The following PPL variants were observed in gnomAD, a reference collection of about 807,000 sequenced individuals.
The protein encoded by PPL is 190 kDa paraneoplastic pemphigus antigen.
PPL carries 198 observed loss-of-function variants against 194.4 expected under a neutral mutation model. That is an observed-to-expected ratio of 1.02 (90% CI 0.91 to 1.15). The LOEUF (loss-of-function observed/expected upper bound fraction) is 1.15. Among genes scored for constraint, PPL ranks in the 50% most tolerant of loss-of-function variants. The pLI is 0.00. For synonymous variants in PPL, 1,220 were observed against 972.4 expected, an observed-to-expected ratio of 1.25 and a Z score of -4.74; for missense variants, 2,885 against 2,294.8, an observed-to-expected ratio of 1.26 and a Z score of -5.25.
intron 2 of PPL, among the ~76,000 whole-genome samples, chr16:4,907,342 ACACACACACACACG>A (rs930019274): frequency 4.3e-5 from 5 of 115,304 alleles, no homozygotes; most frequent in Non-Finnish European, 8.3e-5. Context: ...ACACACACAC[ACACACACACACACG>A]GACAGATACA....
At chr16:4,918,231 T>G (rs545541000) in intron 1 of PPL, among the ~76,000 whole-genome samples, 4 of 149,738 alleles carry the variant, frequency 2.7e-5, no homozygotes, top group East Asian at 2.0e-4. Context: ...AGGTGGAGGT[T>G]GCAGTGAGCC....
intron 1 of PPL, among the ~76,000 whole-genome samples, chr16:4,926,599 G>A (rs1486788513): frequency 1.3e-5 from 2 of 152,176 alleles, no homozygotes; most frequent in Non-Finnish European, 1.5e-5. Flanking sequence ...GATTTGGCTT[G>A]GCGCGGTGAC....
chr16:4,913,782 G>A (rs917964960), intron 1 of PPL, among the ~76,000 whole-genome samples: 1 of 152,208 alleles, frequency 6.6e-6, no homozygotes, highest in African/African-American at 2.4e-5. Flanking sequence ...AGCGATGATA[G>A]CTCCCCTGTC....
chr16:4,915,708 C>CTCCACCATCG (rs1411840703), intron 1 of PPL, among the ~76,000 whole-genome samples: 1 of 152,202 alleles, frequency 6.6e-6, no homozygotes, highest in Non-Finnish European at 1.5e-5. Flanking sequence ...GTAATATGAG[C>CTCCACCATCG]TAATACTTAC....
At chr16:4,926,747 C>A (rs1225707232) in intron 1 of PPL, among the ~76,000 whole-genome samples, 1 of 151,956 alleles carries the variant, frequency 6.6e-6, no homozygotes, top group African/African-American at 2.4e-5. Flanking sequence ...GGCGTGGTGG[C>A]AGGCGTCTGT....
At chr16:4,917,072 C>A (rs1382474897) in intron 1 of PPL, among the ~76,000 whole-genome samples, 1 of 151,918 alleles carries the variant, frequency 6.6e-6, no homozygotes, top group Non-Finnish European at 1.5e-5. Context: ...GCGGAGGTTG[C>A]AATGAGCTGA....
chr16:4,919,959 G>C lies in PPL; in HGVS notation c.63-9010C>G, dbSNP rs558455474. 7.2e-4 allele frequency among the ~76,000 whole-genome samples: 110 copies of C among 152,028 alleles called. 1 individual carries two copies. Among genetic ancestry groups the C allele is most frequent in the Non-Finnish European group, 1.2e-3 (81 of 67,982 alleles). On this transcript the variant is annotated intron_variant, in intron 1 of 21. Coordinates refer to ENST00000345988, the MANE Select transcript of PPL (RefSeq NM_002705.5). ...AATTAAAACCAAAAAAAGTGTATTT[G>C]TGGGGTGGGGGTAATCAGGGTCACT... is the stretch of plus-strand genomic sequence containing the variant.
intron 12 of PPL, 70 bp downstream of exon 12, chr16:4,894,397 C>A: frequency 6.4e-7 from 1 of 1,569,308 alleles, no homozygotes; most frequent in Admixed American, 1.8e-5. Flanking sequence ...ATCCCCGGGG[C>A]TATGAATGGG....
intron 9 of PPL, among the ~76,000 whole-genome samples, chr16:4,897,008 G>A (rs899403238): frequency 6.6e-6 from 1 of 151,982 alleles, no homozygotes; most frequent in African/African-American, 2.4e-5. Context: ...ATAACATTGC[G>A]AATGCAATGA....
At position 4,884,400 on chromosome 16, in the gene PPL, C is replaced by T. The variant is rs746503775; in HGVS notation, c.4255G>A (p.Glu1419Lys). ...ERQARREAER[E>K]VQRLQQRLAA... Reference sequence around the variant, plus strand: ...AGCCGCTGCTGCAACCGCTGTACCTCGCGCTCGGCCTCCCTGCGGGCCTGC... The same window carrying T: ...AGCCGCTGCTGCAACCGCTGTACCTTGCGCTCGGCCTCCCTGCGGGCCTGC... Residue 1419 changes from glutamate (E) to lysine (K), a missense_variant, in exon 22 of 22, where the codon GAG becomes AAG. Glu to Lys is a moderately conservative substitution (Grantham distance 56, BLOSUM62 1). Transcript: ENST00000345988. The surrounding 1 kb of genome is among the most constrained non-coding windows in gnomAD (Gnocchi z 5.7). 7 of 1,608,446 alleles carry T rather than the reference C, an allele frequency of 4.4e-6. No homozygotes were observed. The highest frequency in any genetic ancestry group is 4.5e-5 in the East Asian group (2 of 44,854).
chr16:4,903,287 C>T (rs960165746), intron 3 of PPL, among the ~76,000 whole-genome samples: 9 of 152,124 alleles, frequency 5.9e-5, no homozygotes, highest in African/African-American at 2.2e-4. Flanking sequence ...AAGCCAGGGA[C>T]AGGGCACCAG....
intron 7 of PPL, 35 bp from the exon 8 acceptor site, chr16:4,899,155 C>T (rs1757622645): frequency 1.9e-6 from 3 of 1,613,644 alleles, no homozygotes; most frequent in Non-Finnish European, 2.5e-6. Flanking sequence ...CCTCAGTGCC[C>T]AGCCTGGCGG....
In PPL at chr16:4,885,788, G is replaced by A. The variant is rs769995678; in HGVS notation, c.2867C>T (p.Thr956Met). ...LEESFQQLQRTLAEEQHKNQL... is the reference protein window; with the variant it reads ...LEESFQQLQRMLAEEQHKNQL... ...GTTCTTGTGCTGCTCCTCTGCCAGCGTCCGCTGCAGCTGCTGGAAGCTCTC... is the reference window on the plus strand; with the variant it reads ...GTTCTTGTGCTGCTCCTCTGCCAGCATCCGCTGCAGCTGCTGGAAGCTCTC... Residue 956 changes from threonine (T) to methionine (M), a missense_variant, in exon 22 of 22, where the codon ACG becomes ATG. Coordinates refer to ENST00000345988, the MANE Select transcript of PPL (RefSeq NM_002705.5). This position sits in a 1 kb window ranked among gnomAD's most constrained non-coding sequence, Gnocchi z 6.3. 110 of 1,609,684 alleles carry A rather than the reference G, an allele frequency of 6.8e-5. No homozygotes were observed. The highest frequency in any genetic ancestry group is 6.8e-4 in the South Asian group (62 of 91,080).
At chr16:4,912,564 T>G (rs2088839246) in intron 1 of PPL, among the ~76,000 whole-genome samples, 1 of 152,258 alleles carries the variant, frequency 6.6e-6, no homozygotes, top group Non-Finnish European at 1.5e-5. Context: ...ACCTGATATT[T>G]TTCTTTCAAC....
chr16:4,904,263 C>A (rs1448596877), intron 2 of PPL, among the ~76,000 whole-genome samples: 1 of 152,162 alleles, frequency 6.6e-6, no homozygotes, highest in African/African-American at 2.4e-5. Context: ...TCTCTTATGC[C>A]CCCTCCAGCC....
chr16:4,936,511 C>T (rs1447628938), intron 1 of PPL, among the ~76,000 whole-genome samples: 2 of 152,214 alleles, frequency 1.3e-5, no homozygotes, highest in African/African-American at 4.8e-5. Flanking sequence ...CCCCCGACGC[C>T]AGCTCAGTTT....
At chr16:4,903,312 C>T (rs529934972) in intron 3 of PPL, among the ~76,000 whole-genome samples, 34 of 152,124 alleles carry the variant, frequency 2.2e-4, no homozygotes, top group African/African-American at 5.8e-4. Context: ...CGGAAGAGCT[C>T]GCTCAAAAGC....
At position 4,902,362 on chromosome 16, in the gene PPL, C is replaced by T; in HGVS notation, c.438+44G>A. 6.2e-7 allele frequency: 1 copy of T among 1,610,044 alleles called. No homozygotes were observed. The highest frequency in any genetic ancestry group is 8.5e-7 in the Non-Finnish European group (1 of 1,177,858). ...TCTCCCTGCACACGCACAGCCCCCT[C>T]CCCAGCTGAAACCCTGGAGCCAGCG... On this transcript the variant is annotated intron_variant, in intron 4 of 21. Coordinates refer to ENST00000345988, the MANE Select transcript of PPL (RefSeq NM_002705.5). This position sits in a 1 kb window ranked among gnomAD's most constrained non-coding sequence, Gnocchi z 4.0.
chr16:4,890,642 T>G (rs2088301424), intron 17 of PPL, 86 bp downstream of exon 17: 1 of 1,443,934 alleles, frequency 6.9e-7, no homozygotes, highest in East Asian at 2.5e-5. Context: ...CAGCAAAATC[T>G]GTGGGACACG....
Sources: allele counts gnomAD v4.1 joint callset (sites outside exome capture counted in the v4.1 genomes callset), GRCh38; gene constraint gnomAD v4.1.1; non-coding constraint Gnocchi (gnomAD v3.1); transcripts MANE v1.5; gene names NCBI Gene and HGNC (gene_info 2026-07-23, HGNC 2026-07-21).